Variants in YAP1 observed in about 807,000 individuals in gnomAD.
YAP1 encodes the protein Yes1 associated transcriptional regulator.
In YAP1, 5 loss-of-function variants were observed where a neutral mutation model predicts 56.9. The observed-to-expected ratio is 0.09, with a 90% CI of 0.05 to 0.18. The LOEUF (loss-of-function observed/expected upper bound fraction) is 0.18, where lower values mean the gene tolerates loss of function less well. YAP1 is among the 10% of genes least tolerant of loss of function. YAP1 has a pLI of 1.00. For missense variants in YAP1, 539 were observed against 651.8 expected (o/e 0.83, Z 1.88); for synonymous variants, 265 against 248.1 (o/e 1.07, Z -0.64).
intron 2 of YAP1, among the ~76,000 whole-genome samples, chr11:102,132,628 T>G (rs1414025617): frequency 6.6e-6 from 1 of 152,218 alleles, no homozygotes; most frequent in South Asian, 2.1e-4. Context: ...CTTTTTTGCT[T>G]CTTTTTGACA....
At chr11:102,220,111 G>A (rs970243882) in intron 6 of YAP1, among the ~76,000 whole-genome samples, 1 of 151,740 alleles carries the variant, frequency 6.6e-6, no homozygotes, top group Non-Finnish European at 1.5e-5. Context: ...GCTCACGCCT[G>A]TAATCCTAAC....
At chr11:102,178,646 CT>C (rs1445918584) in intron 3 of YAP1, among the ~76,000 whole-genome samples, 1 of 152,148 alleles carries the variant, frequency 6.6e-6, no homozygotes, top group African/African-American at 2.4e-5. Flanking sequence ...TAAAAACTCG[CT>C]TCCCTCAAGT....
intron 2 of YAP1, among the ~76,000 whole-genome samples, chr11:102,141,750 C>T (rs1281055053): frequency 6.6e-6 from 1 of 152,124 alleles, no homozygotes; most frequent in Non-Finnish European, 1.5e-5. Flanking sequence ...ATTTTAGGTG[C>T]CTGATTGCTT....
chr11:102,127,256 C>T (rs1342162099), intron 2 of YAP1, among the ~76,000 whole-genome samples: 3 of 152,184 alleles, frequency 2.0e-5, no homozygotes, highest in Non-Finnish European at 2.9e-5. Context: ...ATGTCAGAGA[C>T]TTTCACGTCA....
chr11:102,115,173 A>T (rs930754772), intron 2 of YAP1, among the ~76,000 whole-genome samples: 4 of 152,236 alleles, frequency 2.6e-5, no homozygotes, highest in African/African-American at 4.8e-5. Flanking sequence ...TTGAAATTAC[A>T]GATAAGACCT....
intron 2 of YAP1, among the ~76,000 whole-genome samples, chr11:102,117,592 G>A (rs1943370875): frequency 6.6e-6 from 1 of 152,170 alleles, no homozygotes; most frequent in African/African-American, 2.4e-5. Flanking sequence ...CATGATTACT[G>A]AAAGATTATA....
At chr11:102,120,801 C>G (rs949056071) in intron 2 of YAP1, among the ~76,000 whole-genome samples, 2 of 152,188 alleles carry the variant, frequency 1.3e-5, no homozygotes, top group Admixed American at 6.5e-5. Context: ...AGATAGTGTG[C>G]TTGTTAAAGT....
intron 3 of YAP1, among the ~76,000 whole-genome samples, chr11:102,173,378 A>G (rs1947035416): frequency 1.3e-5 from 2 of 152,160 alleles, no homozygotes; most frequent in African/African-American, 2.4e-5. Flanking sequence ...GTCTTCTGCT[A>G]TGGTTTTCCC....
chr11:102,145,651 G>A (rs775249928), intron 2 of YAP1, among the ~76,000 whole-genome samples: 29 of 152,194 alleles, frequency 1.9e-4, no homozygotes, highest in Non-Finnish European at 3.2e-4. Context: ...TAGGTTATTT[G>A]TGAGGCAGTA....
intron 4 of YAP1, among the ~76,000 whole-genome samples, chr11:102,188,085 A>G (rs1279119161): frequency 1.3e-5 from 2 of 152,220 alleles, no homozygotes; most frequent in Non-Finnish European, 2.9e-5. Flanking sequence ...AAATAGAGAC[A>G]AGCTGTTAGC....
intron 5 of YAP1, among the ~76,000 whole-genome samples, chr11:102,208,480 GTTTC>G (rs771326897): frequency 2.6e-5 from 4 of 152,006 alleles, no homozygotes; most frequent in Admixed American, 6.6e-5. Flanking sequence ...TGAAAGAAAT[GTTTC>G]TTTATCTGAC....
chr11:102,153,567 A>G (rs188392290), intron 2 of YAP1, among the ~76,000 whole-genome samples: 6 of 152,304 alleles, frequency 3.9e-5, no homozygotes, highest in East Asian at 3.9e-4. Flanking sequence ...TAGAAATTCA[A>G]TGAAGTGAGT....
intron 2 of YAP1, among the ~76,000 whole-genome samples, chr11:102,146,578 C>T (rs1400967257): frequency 1.3e-5 from 2 of 152,190 alleles, no homozygotes; most frequent in African/African-American, 4.8e-5. Flanking sequence ...TCCTGTAGCT[C>T]GTACTAATAA....
chr11:102,213,663 G>A (rs1008894308), intron 6 of YAP1, among the ~76,000 whole-genome samples: 34 of 152,274 alleles, frequency 2.2e-4, no homozygotes, highest in African/African-American at 8.2e-4. Context: ...CCTTGTTGCT[G>A]TTATTCTGCT....
intron 3 of YAP1, among the ~76,000 whole-genome samples, chr11:102,183,956 A>G (rs2135499052): frequency 6.6e-6 from 1 of 150,818 alleles, no homozygotes; most frequent in African/African-American, 2.4e-5. Flanking sequence ...GGGCGCCTGT[A>G]GTCCCAGCTA....
chr11:102,165,870 T>C (rs1391859942), intron 3 of YAP1, among the ~76,000 whole-genome samples: 1 of 152,200 alleles, frequency 6.6e-6, no homozygotes, highest in African/African-American at 2.4e-5. Flanking sequence ...TTTTAAATAC[T>C]ATTAATAGTA....
At chr11:102,165,128 G>A (rs1318780987) in intron 3 of YAP1, among the ~76,000 whole-genome samples, 1 of 152,048 alleles carries the variant, frequency 6.6e-6, no homozygotes, top group Non-Finnish European at 1.5e-5. Context: ...GGAGACCAAG[G>A]TGGGAGGATC....
intron 2 of YAP1, among the ~76,000 whole-genome samples, chr11:102,155,598 A>G (rs1419699964): frequency 2.0e-5 from 3 of 152,214 alleles, no homozygotes; most frequent in Non-Finnish European, 4.4e-5. Flanking sequence ...AGTTCCATAT[A>G]CACTTTATTT....
At chr11:102,215,068 T>C (rs1949595829) in intron 6 of YAP1, among the ~76,000 whole-genome samples, 2 of 152,184 alleles carry the variant, frequency 1.3e-5, no homozygotes, top group African/African-American at 4.8e-5. Context: ...ACATAAAGCA[T>C]TGGCTCAGTG....
Sources: gnomAD v4.1 joint callset for allele counts (sites outside exome capture counted in the v4.1 genomes callset) on GRCh38, gnomAD v4.1.1 for gene constraint, MANE v1.5 for transcripts, NCBI Gene and HGNC (gene_info 2026-07-23, HGNC 2026-07-21) for gene names.